Variants in CAPG observed in about 807,000 individuals in gnomAD.
The protein encoded by CAPG is capping actin protein, gelsolin like.
In CAPG, 32 loss-of-function variants were observed where a neutral mutation model predicts 44.6. The ratio of observed to expected loss-of-function variants is 0.72; its 90% CI spans 0.54 to 0.96. The LOEUF (loss-of-function observed/expected upper bound fraction) is 0.96, where lower values mean the gene tolerates loss of function less well. Ranked by LOEUF, CAPG falls within the 50% of genes least tolerant of loss-of-function variation. The probability of loss-of-function intolerance (pLI) is 0.00; values close to 1 mark genes in which losing one functional copy is unlikely to be tolerated. For missense variants in CAPG, 412 were observed against 438.3 expected (o/e 0.94, Z 0.54); for synonymous variants, 175 against 179.6 (o/e 0.97, Z 0.20).
In CAPG at chr2:85,401,529, C is replaced by T. The variant is rs1324486261; in HGVS notation, c.351G>A (p.Gln117=). The change falls in exon 4 of 10, where the codon CAG becomes CAA. Residue 117 remains glutamine, a splice_region_variant and synonymous_variant. Coordinates refer to ENST00000263867, the MANE Select transcript of CAPG (RefSeq NM_001747.4). ...GGGGTGCCTAGAGGTGGGCTCTGAC[C>T]TGGTACTTGAGGCCCCGTGGGAAGT... is the stretch of plus-strand genomic sequence containing the variant. ...MSYFPRGLKY[Q]EGGVESAFHK... is the part of the protein sequence containing the mutation. 1 of 1,614,048 alleles carries T rather than the reference C, an allele frequency of 6.2e-7. No homozygotes were observed. The highest frequency in any genetic ancestry group is 1.3e-5 in the African/African-American group (1 of 74,944).
chr2:85,404,547 G>A (rs1031699675), intron 1 of CAPG, among the ~76,000 whole-genome samples: 7 of 151,980 alleles, frequency 4.6e-5, no homozygotes, highest in Admixed American at 1.3e-4. Context: ...TCAGGAGTTC[G>A]AGACCAGCCT....
intron 1 of CAPG, among the ~76,000 whole-genome samples, chr2:85,409,994 G>A (rs1276043029): frequency 6.6e-6 from 1 of 152,204 alleles, no homozygotes; most frequent in Admixed American, 6.5e-5. Flanking sequence ...GGTGGCCTCC[G>A]TCAGGAGGTC....
At chr2:85,402,351 A>C (rs1686944976) in intron 1 of CAPG, among the ~76,000 whole-genome samples, 193 bp from the exon 2 acceptor site, 5 of 152,146 alleles carry the variant, frequency 3.3e-5, no homozygotes. Context: ...ACAGCTAGTG[A>C]GTGGTTCATG....
Position 85,401,888 on chromosome 2 carries a change from C to G in CAPG, c.93G>C (p.Pro31=). Residue 31 remains proline (P), a synonymous_variant, in exon 3 of 10, where the codon CCG becomes CCC. Coordinates refer to ENST00000263867, the MANE Select transcript of CAPG (RefSeq NM_001747.4). ...LHVWRVEKLK[P]VPVAQENQGV... is the part of the protein sequence containing the mutation. ...CCTGGTTCTCTTGCGCCACAGGCAC[C>G]GGCTTCAGCTTCTCCACCCGCCACA... The G allele has an allele frequency of 6.2e-7, 1 of 1,614,012 alleles. No individual in the cohort carries two copies. The highest frequency in any genetic ancestry group is 2.2e-5 in the East Asian group (1 of 44,852).
rs1239971840 is a variant in CAPG, at chr2:85,401,475, G to C, written c.351+54C>G. The C allele has an allele frequency of 4.4e-6, 7 of 1,601,654 alleles. No individual in the cohort carries two copies. In the African/African-American group the frequency reaches 6.7e-5, roughly 15 times the overall value. ...GCAGGGTGAGAACCAGCCAGAAGCA[G>C]GGCTGGCTCTGAGGGAAGCTGCAGG... is the stretch of plus-strand genomic sequence containing the variant. On this transcript the variant is annotated intron_variant, in intron 4 of 9. Coordinates refer to ENST00000263867, the MANE Select transcript of CAPG (RefSeq NM_001747.4).
intron 6 of CAPG, 152 bp downstream of exon 6, chr2:85,398,984 G>A (rs1686744817): frequency 8.5e-6 from 8 of 944,046 alleles, no homozygotes; most frequent in South Asian, 1.6e-5. Context: ...TCTACCCAGA[G>A]GGGCACCCTG....
downstream of CAPG, chr2:85,394,689 C>G (rs1011053471): frequency 1.1e-5 from 7 of 626,458 alleles, no homozygotes; most frequent in African/African-American, 9.1e-5. Flanking sequence ...TACTCCACCC[C>G]CAGCATGGGG....
chr2:85,399,407 G>C, intron 5 of CAPG, 122 bp from the exon 6 acceptor site: 1 of 1,030,742 alleles, frequency 9.7e-7, no homozygotes, highest in South Asian at 1.5e-5. Flanking sequence ...AGGACAACCA[G>C]GAAGGCAGAG....
chr2:85,416,948 G>T (rs1687564977), intron 1 of CAPG, among the ~76,000 whole-genome samples: 2 of 152,200 alleles, frequency 1.3e-5, no homozygotes, highest in East Asian at 3.8e-4. Flanking sequence ...TCCGAATAAA[G>T]CTCAAAACCA....
downstream of CAPG, among the ~76,000 whole-genome samples, chr2:85,394,447 T>C (rs1189501141): frequency 6.6e-6 from 1 of 152,234 alleles, no homozygotes; most frequent in Admixed American, 6.5e-5. Context: ...TATTAGGGCA[T>C]CCGAAGAAAT....
At chr2:85,400,344 G>A (rs147493870) in intron 5 of CAPG, among the ~76,000 whole-genome samples, 36 of 152,286 alleles carry the variant, frequency 2.4e-4, no homozygotes, top group Non-Finnish European at 4.6e-4. Flanking sequence ...TGGTAATGGC[G>A]AGGTCTGTTC....
intron 1 of CAPG, among the ~76,000 whole-genome samples, chr2:85,405,529 A>C (rs968344327): frequency 3.3e-5 from 5 of 152,050 alleles, no homozygotes; most frequent in Non-Finnish European, 5.9e-5. Flanking sequence ...GAAGTGCAAT[A>C]TTTCGCAGGG....
At chr2:85,410,964 G>A (rs1246895652), upstream of CAPG, among the ~76,000 whole-genome samples, 3 of 151,368 alleles carry the variant, frequency 2.0e-5, no homozygotes, top group African/African-American at 4.9e-5. Flanking sequence ...GGGCTCAAGC[G>A]ATCCTCCTGC....
chr2:85,395,606 C>G lies in CAPG; in HGVS notation c.913G>C (p.Glu305Gln), dbSNP rs1360419813. The G allele has an allele frequency of 6.2e-7, 1 of 1,613,832 alleles. No individual in the cohort carries two copies. Among genetic ancestry groups the G allele is most frequent in the East Asian group, 2.2e-5 (1 of 44,880 alleles). Reference protein sequence around the residue: ...IWKGRKANEKERQAALQVAEG... With the variant: ...IWKGRKANEKQRQAALQVAEG... ...GCCACCTGCAGGGCTGCCTGCCGCT[C>G]CTTCTCATTCGCTTTTCGCCCTAGA... The change falls in exon 9 of 10, where the codon GAG (glutamate) becomes CAG (glutamine). Residue 305 changes from glutamate to glutamine, a missense_variant. Coordinates refer to ENST00000263867, the MANE Select transcript of CAPG (RefSeq NM_001747.4). This position sits in a 1 kb window ranked among gnomAD's most constrained non-coding sequence, Gnocchi z 4.3.
chr2:85,400,064 C>G (rs1266441644), intron 5 of CAPG, among the ~76,000 whole-genome samples: 3 of 152,172 alleles, frequency 2.0e-5, no homozygotes, highest in African/African-American at 7.2e-5. Flanking sequence ...CTTCCCATCA[C>G]ATATCTCCTA....
Position 85,398,078 on chromosome 2 carries a change from T to C in CAPG, c.834A>G (p.Ile278Met), listed in dbSNP as rs996505266. The C allele has an allele frequency of 1.9e-6, 3 of 1,614,086 alleles. No homozygotes were observed. Among genetic ancestry groups the C allele is most frequent in the South Asian group, 2.2e-5 (2 of 91,076 alleles). ...DSSPFALELL[I>M]SDDCFVLDNG... ...TGTCCAGCACAAAGCAGTCATCAGA[T>C]ATCAGCAGTTCAAGGGCAAATGGGC... Residue 278 changes from isoleucine to methionine, a missense_variant, in exon 8 of 10, where the codon ATA (isoleucine) becomes ATG (methionine). Ile to Met is a conservative substitution (Grantham distance 10). Transcript: ENST00000263867.
upstream of CAPG, among the ~76,000 whole-genome samples, chr2:85,412,932 T>C (rs1202781307): frequency 6.6e-6 from 1 of 152,152 alleles, no homozygotes; most frequent in African/African-American, 2.4e-5. Context: ...AATGAGCAAA[T>C]AATACATGCT....
Position 85,398,687 on chromosome 2 carries a change from C to CACCTTAT in CAPG, c.755_759+2dup. 1 of 1,596,282 alleles carries CACCTTAT rather than the reference C, an allele frequency of 6.3e-7. No individual in the cohort carries two copies. Among genetic ancestry groups the CACCTTAT allele is most frequent in the Non-Finnish European group, 8.5e-7 (1 of 1,171,368 alleles). Reference sequence around the variant, plus strand: ...GGTCCCAGGGCAGGCTTGGGGGGCCCACCTTATACAGAGCTGCGGCCTGGG... The same window carrying CACCTTAT: ...GGTCCCAGGGCAGGCTTGGGGGGCCCACCTTATACCTTATACAGAGCTGCGGCCTGGG... On this transcript the variant is annotated splice_region_variant and intron_variant, in intron 7 of 9. Coordinates refer to ENST00000263867, the MANE Select transcript of CAPG (RefSeq NM_001747.4).
chr2:85,399,018 G>T, intron 6 of CAPG, 118 bp downstream of exon 6: 1 of 1,192,718 alleles, frequency 8.4e-7, no homozygotes, highest in Non-Finnish European at 1.2e-6. Context: ...GCCCTAGGCA[G>T]TACACCAGAT....
Sources: gnomAD v4.1 joint callset for allele counts (sites outside exome capture counted in the v4.1 genomes callset) on GRCh38, gnomAD v4.1.1 for gene constraint, Gnocchi (gnomAD v3.1) non-coding constraint, MANE v1.5 for transcripts, NCBI Gene and HGNC (gene_info 2026-07-23, HGNC 2026-07-21) for gene names.